Variants in ARMC2 observed in about 807,000 individuals in gnomAD.
ARMC2 encodes armadillo repeat containing 2, also known as armadillo repeat-containing protein 2.
In ARMC2, 67 loss-of-function variants were observed where a neutral mutation model predicts 90.3. The ratio of observed to expected loss-of-function variants is 0.74; its 90% CI spans 0.61 to 0.91. ARMC2 has a LOEUF of 0.91. ARMC2 is among the 40% of genes least tolerant of loss of function. The pLI is 0.00. For synonymous variants in ARMC2, 393 were observed against 393.0 expected, an observed-to-expected ratio of 1.00 and a Z score of 0.00; for missense variants, 920 against 1,030.9, an observed-to-expected ratio of 0.89 and a Z score of 1.47.
chr6:108,859,402 C>T (rs1774984489), intron 3 of ARMC2, among the ~76,000 whole-genome samples: 1 of 152,140 alleles, frequency 6.6e-6, no homozygotes, highest in African/African-American at 2.4e-5. Flanking sequence ...TTTGGTAGAG[C>T]ATTCCCTCCT....
At chr6:108,916,506 G>A (rs188180876) in intron 10 of ARMC2, among the ~76,000 whole-genome samples, 89 of 152,306 alleles carry the variant, frequency 5.8e-4, no homozygotes, top group Non-Finnish European at 1.6e-4. Flanking sequence ...CTGGAGATGC[G>A]AGTTTGTCTG....
At chr6:108,969,847 G>A (rs1778637359) in intron 17 of ARMC2, among the ~76,000 whole-genome samples, 1 of 152,112 alleles carries the variant, frequency 6.6e-6, no homozygotes, top group Admixed American at 6.5e-5. Flanking sequence ...TTTGAGACCA[G>A]CTTGGGCAAC....
At chr6:108,958,429 G>A (rs1777750236) in intron 13 of ARMC2, among the ~76,000 whole-genome samples, 1 of 152,176 alleles carries the variant, frequency 6.6e-6, no homozygotes, top group Non-Finnish European at 1.5e-5. Context: ...GCCTAGTGCT[G>A]TTTATGATAA....
At chr6:108,905,058 G>A (rs1772541306) in intron 8 of ARMC2, among the ~76,000 whole-genome samples, 1 of 152,140 alleles carries the variant, frequency 6.6e-6, no homozygotes, top group South Asian at 2.1e-4. Context: ...ATAAACAGTT[G>A]GAACCAAAAG....
At chr6:108,893,981 C>T (rs952131716) in intron 5 of ARMC2, among the ~76,000 whole-genome samples, 2 of 152,180 alleles carry the variant, frequency 1.3e-5, no homozygotes, top group Non-Finnish European at 2.9e-5. Flanking sequence ...CAGGGCAAGA[C>T]TTCGTCTCAA....
chr6:108,967,911 T>C (rs1013131419), intron 17 of ARMC2, among the ~76,000 whole-genome samples: 17 of 152,154 alleles, frequency 1.1e-4, no homozygotes, highest in African/African-American at 3.6e-4. Flanking sequence ...CCAATCTGCC[T>C]AGCCAGGTGC....
chr6:108,952,900 T>C (rs1319717502), intron 12 of ARMC2, 133 bp from the exon 13 acceptor site: 1 of 853,216 alleles, frequency 1.2e-6, no homozygotes, highest in East Asian at 2.7e-5. Flanking sequence ...TCAAATACTG[T>C]ACAAGTGAGC....
chr6:108,946,194 T>C (rs1024173759), intron 12 of ARMC2, among the ~76,000 whole-genome samples: 1 of 152,236 alleles, frequency 6.6e-6, no homozygotes, highest in Admixed American at 6.5e-5. Flanking sequence ...TTATGTCTGC[T>C]GGCTTGAAAA....
chr6:109,001,148 G>C, the ARMC2 span: 1 of 740,566 alleles, frequency 1.4e-6, no homozygotes. Flanking sequence ...TTTAAAAATA[G>C]GAAAAACAGA....
chr6:108,902,568 C>A (rs777573889), intron 7 of ARMC2, among the ~76,000 whole-genome samples: 2 of 152,104 alleles, frequency 1.3e-5, no homozygotes, highest in Non-Finnish European at 2.9e-5. Context: ...AAGTCATTTC[C>A]CATCAATTCA....
intron 11 of ARMC2, among the ~76,000 whole-genome samples, chr6:108,932,963 T>C (rs1215689582): frequency 6.6e-6 from 1 of 152,222 alleles, no homozygotes. Context: ...TTGGTTACCA[T>C]AGCCCTGTAG....
intron 4 of ARMC2, among the ~76,000 whole-genome samples, chr6:108,874,369 G>A (rs547594558): frequency 2.0e-5 from 3 of 152,316 alleles, no homozygotes; most frequent in South Asian, 4.1e-4. Flanking sequence ...GCACATAGTC[G>A]TGGGTGCTTA....
At chr6:108,943,073 G>C (rs999111987) in intron 12 of ARMC2, among the ~76,000 whole-genome samples, 1 of 152,118 alleles carries the variant, frequency 6.6e-6, no homozygotes, top group African/African-American at 2.4e-5. Flanking sequence ...TAGCACCAGG[G>C]CCGTTTGCTG....
chr6:108,913,763 C>T (rs1005706031), intron 10 of ARMC2, among the ~76,000 whole-genome samples: 6 of 152,034 alleles, frequency 3.9e-5, no homozygotes, highest in Non-Finnish European at 8.8e-5. Context: ...TGTTTGTTTG[C>T]TATCATTCTC....
At chr6:108,864,437 C>T (rs1247936452) in intron 3 of ARMC2, among the ~76,000 whole-genome samples, 9 of 152,014 alleles carry the variant, frequency 5.9e-5, no homozygotes, top group East Asian at 1.9e-4. Flanking sequence ...TTAGTAGAGA[C>T]GGGGTTTCAC....
chr6:108,881,182 CT>C (rs1777517536), intron 5 of ARMC2, among the ~76,000 whole-genome samples: 1 of 148,128 alleles, frequency 6.8e-6, no homozygotes, highest in African/African-American at 2.5e-5. Context: ...TTTTTTTTTT[CT>C]TTCTTTCTTT....
chr6:108,998,768 A>T, the ARMC2 span: 1 of 1,591,754 alleles, frequency 6.3e-7, no homozygotes, highest in Non-Finnish European at 8.6e-7. Context: ...TAGGGGGAAA[A>T]AAAAAAAGAA....
intron 13 of ARMC2, among the ~76,000 whole-genome samples, chr6:108,960,453 C>T (rs899169266): frequency 6.6e-5 from 10 of 152,310 alleles, no homozygotes; most frequent in African/African-American, 1.7e-4. Context: ...ATGTGCTAAG[C>T]TAGAGGATCA....
chr6:108,906,572 C>T (rs1772754124), intron 8 of ARMC2, among the ~76,000 whole-genome samples: 1 of 151,954 alleles, frequency 6.6e-6, no homozygotes, highest in South Asian at 2.1e-4. Context: ...GTATCAAATT[C>T]TGGGCTCAAG....
Sources: gnomAD v4.1 joint callset for allele counts (sites outside exome capture counted in the v4.1 genomes callset) on GRCh38, gnomAD v4.1.1 for gene constraint, MANE v1.5 for transcripts, NCBI Gene and HGNC (gene_info 2026-07-23, HGNC 2026-07-21) for gene names.